The following CCDC178 variants were observed in gnomAD, a reference collection of about 807,000 sequenced individuals.
The protein encoded by CCDC178 is coiled-coil domain-containing protein 178.
In CCDC178, 126 loss-of-function variants were observed where a neutral mutation model predicts 117.4. The ratio of observed to expected loss-of-function variants is 1.07; its 90% CI spans 0.93 to 1.24. CCDC178 has a LOEUF of 1.24. Ranked by LOEUF, CCDC178 falls within the 50% of genes most tolerant of loss-of-function variation. The probability of loss-of-function intolerance (pLI) is 0.00; values close to 1 mark genes in which losing one functional copy is unlikely to be tolerated. For missense variants in CCDC178, 1,030 were observed against 986.9 expected (o/e 1.04, Z -0.59); for synonymous variants, 283 against 313.4 (o/e 0.90, Z 1.02).
At chr18:33,071,898 T>G (rs1444560590) in intron 21 of CCDC178, among the ~76,000 whole-genome samples, 1 of 152,074 alleles carries the variant, frequency 6.6e-6, no homozygotes, top group East Asian at 1.9e-4. Flanking sequence ...TTAGTTGGTA[T>G]AAGGAGGAGA....
chr18:33,108,447 T>C (rs1283448761), intron 20 of CCDC178, among the ~76,000 whole-genome samples: 2 of 151,642 alleles, frequency 1.3e-5, no homozygotes, highest in African/African-American at 4.8e-5. Flanking sequence ...TTGGCTTCTC[T>C]TGTAGCATGT....
At chr18:33,198,042 T>C (rs2058952227) in intron 20 of CCDC178, among the ~76,000 whole-genome samples, 1 of 152,164 alleles carries the variant, frequency 6.6e-6, no homozygotes, top group Non-Finnish European at 1.5e-5. Context: ...AAGTCAGGTA[T>C]ACATGTTCTC....
At chr18:33,147,849 T>C (rs1286981142) in intron 20 of CCDC178, among the ~76,000 whole-genome samples, 1 of 152,210 alleles carries the variant, frequency 6.6e-6, no homozygotes, top group Non-Finnish European at 1.5e-5. Context: ...ACTGCCATTG[T>C]CATCATGGCC....
At chr18:33,136,680 T>A (rs1025295260) in intron 20 of CCDC178, among the ~76,000 whole-genome samples, 6 of 152,178 alleles carry the variant, frequency 3.9e-5, no homozygotes, top group Admixed American at 2.0e-4. Flanking sequence ...ATTTACAAAT[T>A]TCAAGTTCAG....
rs1038395273 is a variant in CCDC178, at chr18:33,297,914, C to T, written c.1023-4602G>A. Among the ~76,000 whole-genome samples, 47 of 152,040 alleles carry T rather than the reference C, an allele frequency of 3.1e-4. 1 individual carries two copies. The highest frequency in any genetic ancestry group is 5.0e-4 in the Non-Finnish European group (34 of 67,966). ...AAAATTCGCCAGACGTGGTGGCGGG[C>T]GCCTGTAGTCCCAGCTACTCGGGAG... On this transcript the variant is annotated intron_variant, in intron 11 of 22. Coordinates refer to ENST00000383096, the MANE Select transcript of CCDC178 (RefSeq NM_001105528.4).
intron 20 of CCDC178, among the ~76,000 whole-genome samples, chr18:33,162,334 T>TA (rs1314892155): frequency 3.3e-5 from 5 of 152,040 alleles, no homozygotes; most frequent in African/African-American, 7.2e-5. Flanking sequence ...AAGTATAATT[T>TA]AAAAAAAATA....
intron 11 of CCDC178, among the ~76,000 whole-genome samples, chr18:33,303,406 T>G (rs1203539010): frequency 6.6e-6 from 1 of 152,166 alleles, no homozygotes; most frequent in Non-Finnish European, 1.5e-5. Flanking sequence ...TTGAATAATA[T>G]TATAGTTGTG....
At chr18:33,429,546 T>A (rs766952158) in intron 2 of CCDC178, among the ~76,000 whole-genome samples, 1 of 152,158 alleles carries the variant, frequency 6.6e-6, no homozygotes, top group African/African-American at 2.4e-5. Flanking sequence ...AGCAATAACA[T>A]ATTTATGTTG....
rs144425510 is a variant in CCDC178 at position 32,964,944 on chromosome 18, C to T, written c.2523+9603G>A. On this transcript the variant is annotated intron_variant, in intron 22 of 22. Coordinates refer to ENST00000383096, the MANE Select transcript of CCDC178 (RefSeq NM_001105528.4). The stretch of plus-strand genomic sequence containing the variant: ...TTTTGTTTTTCTCATTAGAACAGAG[C>T]GGGACTGTATCTTTAACTTGTTTGT... Among the ~76,000 whole-genome samples the T allele has an allele frequency of 1.2e-3, 181 of 151,916 alleles. 1 individual carries two copies. In the Middle Eastern group the frequency reaches 0.02, roughly 17 times the overall value.
At chr18:33,053,930 T>C (rs1357079149) in intron 21 of CCDC178, among the ~76,000 whole-genome samples, 2 of 152,174 alleles carry the variant, frequency 1.3e-5, no homozygotes, top group Non-Finnish European at 2.9e-5. Context: ...AAAATCCTTA[T>C]AATGTAATGG....
chr18:33,265,884 T>C (rs1435736505), intron 14 of CCDC178, among the ~76,000 whole-genome samples: 2 of 152,118 alleles, frequency 1.3e-5, no homozygotes, highest in East Asian at 3.9e-4. Flanking sequence ...TTGTACTAGA[T>C]TGTTGGTGGA....
rs570729254 is a variant in CCDC178, at chr18:33,204,392, A to G, written c.2238+7504T>C. Among the ~76,000 whole-genome samples, 9 of 150,746 alleles carry G rather than the reference A, an allele frequency of 6.0e-5. No homozygotes were observed. In the South Asian group the frequency reaches 1.9e-3, roughly 31 times the overall value. ...TCTCTCAACCAAACAAAATACCAAT[A>G]AACGAATGAGCAAAATCTGTAGTTT... is the stretch of plus-strand genomic sequence containing the variant. On this transcript the variant is annotated intron_variant, in intron 20 of 22. Transcript: ENST00000383096.
chr18:33,128,620 C>CT (rs758463667), intron 20 of CCDC178, among the ~76,000 whole-genome samples: 39 of 152,076 alleles, frequency 2.6e-4, no homozygotes, highest in Middle Eastern at 3.4e-3. Flanking sequence ...TTAAAATTGC[C>CT]TTTTTATTTA....
intron 20 of CCDC178, among the ~76,000 whole-genome samples, chr18:33,151,834 T>A (rs186925753): frequency 2.5e-4 from 38 of 152,254 alleles, no homozygotes; most frequent in Middle Eastern, 3.4e-3. Context: ...CTTAGAACCA[T>A]GACTGGAATA....
At chr18:33,253,705 T>G (rs1037483529) in intron 14 of CCDC178, among the ~76,000 whole-genome samples, 1 of 151,886 alleles carries the variant, frequency 6.6e-6, no homozygotes, top group Non-Finnish European at 1.5e-5. Flanking sequence ...TTCTGCAACA[T>G]GTCAGAAATA....
rs199750157 is a variant in CCDC178 at position 33,067,388 on chromosome 18, C to T, written c.2388+25373G>A. Among the ~76,000 whole-genome samples, 10 of 152,070 alleles carry T rather than the reference C, an allele frequency of 6.6e-5. No homozygotes were observed. In the East Asian group the frequency reaches 1.9e-3, roughly 29 times the overall value. The stretch of plus-strand genomic sequence containing the variant: ...GAGGGAAGTTTAAACCAATAAATGT[C>T]TATATCGAAAAAGTAGAAAGATTTC... On this transcript the variant is annotated intron_variant, in intron 21 of 22. Coordinates refer to ENST00000383096, the MANE Select transcript of CCDC178 (RefSeq NM_001105528.4).
At chr18:33,218,736 A>G (rs2059197090) in intron 18 of CCDC178, among the ~76,000 whole-genome samples, 1 of 152,026 alleles carries the variant, frequency 6.6e-6, no homozygotes, top group Non-Finnish European at 1.5e-5. Flanking sequence ...TGTTTTTGCC[A>G]GGTTTGTCAA....
At chr18:33,036,481 G>T (rs185528046) in intron 21 of CCDC178, among the ~76,000 whole-genome samples, 1 of 151,948 alleles carries the variant, frequency 6.6e-6, no homozygotes, top group Admixed American at 6.6e-5. Context: ...TATGACACAG[G>T]GAGAGAAAGC....
chr18:33,280,397 T>A (rs367819316), intron 12 of CCDC178, among the ~76,000 whole-genome samples: 8,448 of 148,300 alleles, frequency 0.057, 372 homozygotes, highest in African/African-American at 0.12. Flanking sequence ...TCAAAACCAC[T>A]ATGAGATACC....
Sources: gnomAD v4.1 joint callset for allele counts (sites outside exome capture counted in the v4.1 genomes callset) on GRCh38, gnomAD v4.1.1 for gene constraint, MANE v1.5 for transcripts, NCBI Gene and HGNC (gene_info 2026-07-23, HGNC 2026-07-21) for gene names.